GRHL2: variants seen among roughly 807,000 people sequenced by gnomAD.
GRHL2 encodes grainyhead-like protein 2 homolog.
In GRHL2, 21 loss-of-function variants were observed where a neutral mutation model predicts 83.8. The ratio of observed to expected loss-of-function variants is 0.25; its 90% CI spans 0.18 to 0.36. The LOEUF (loss-of-function observed/expected upper bound fraction) is 0.36. Among genes scored for constraint, GRHL2 ranks in the 10% least tolerant of loss-of-function variants. The pLI is 1.00. For synonymous variants in GRHL2, 280 were observed against 278.9 expected, an observed-to-expected ratio of 1.00 and a Z score of -0.04; for missense variants, 623 against 781.8, an observed-to-expected ratio of 0.80 and a Z score of 2.42.
At chr8:101,518,276 G>T (rs569863) in intron 1 of GRHL2, among the ~76,000 whole-genome samples, 35,808 of 152,054 alleles carry the variant, frequency 0.24, 5,707 homozygotes, top group African/African-American at 0.44. Flanking sequence ...CGGGCGTGAT[G>T]GTGCATGCAC....
intron 1 of GRHL2, among the ~76,000 whole-genome samples, chr8:101,499,681 C>T (rs1810182944): frequency 6.6e-6 from 1 of 152,174 alleles, no homozygotes; most frequent in Admixed American, 6.5e-5. Context: ...TAAGAAAAGC[C>T]TTACCCTAAG....
intron 1 of GRHL2, among the ~76,000 whole-genome samples, chr8:101,541,709 C>T (rs961073717): frequency 6.6e-6 from 1 of 152,058 alleles, no homozygotes; most frequent in African/African-American, 2.4e-5. Flanking sequence ...AGAGAAGTGA[C>T]CAAACCTCTG....
intron 14 of GRHL2, among the ~76,000 whole-genome samples, chr8:101,663,965 T>TTTTC (rs1185562605): frequency 6.6e-6 from 1 of 152,136 alleles, no homozygotes; most frequent in African/African-American, 2.4e-5. Context: ...CTTTCGACCT[T>TTTTC]TTTCTTTAGG....
chr8:101,625,767 A>C (rs180815955), intron 9 of GRHL2, among the ~76,000 whole-genome samples: 1 of 152,064 alleles, frequency 6.6e-6, no homozygotes, highest in Non-Finnish European at 1.5e-5. Context: ...GTCAGTAAAT[A>C]TCAGTGCTAA....
rs184398535 is a variant in GRHL2 at position 101,575,961 on chromosome 8, A to G, written c.892-1447A>G. 1.4e-4 allele frequency among the ~76,000 whole-genome samples: 22 copies of G among 152,340 alleles called. No individual in the cohort carries two copies. The Middle Eastern group carries it at 0.01, about 71-fold the overall frequency. On this transcript the variant is annotated intron_variant, in intron 6 of 15. Transcript: ENST00000646743. ...ATACATATTTCTAAACAGTTTTCCT[A>G]ACAAACATCTGCTTTCTTGTGTAAA...
At chr8:101,528,183 T>A (rs1810846027) in intron 1 of GRHL2, among the ~76,000 whole-genome samples, 1 of 152,204 alleles carries the variant, frequency 6.6e-6, no homozygotes, top group African/African-American at 2.4e-5. Context: ...TTGAACTTTA[T>A]ACCTGTAATC....
intron 1 of GRHL2, chr8:101,529,510 C>A: frequency 4.9e-6 from 1 of 204,466 alleles, no homozygotes. Context: ...ACAAGGAAGA[C>A]ATTCTTGCTT....
At chr8:101,552,935 A>G (rs1373489031) in intron 3 of GRHL2, among the ~76,000 whole-genome samples, 153 bp downstream of exon 3, 1 of 152,202 alleles carries the variant, frequency 6.6e-6, no homozygotes, top group African/African-American at 2.4e-5. Flanking sequence ...AGATCTCTCA[A>G]TGAGGAGAGC....
intron 1 of GRHL2, among the ~76,000 whole-genome samples, chr8:101,537,768 C>T (rs1258684516): frequency 6.6e-6 from 1 of 152,166 alleles, no homozygotes; most frequent in Admixed American, 6.5e-5. Flanking sequence ...ACTCCAAAAG[C>T]ATCCTCCCCC....
chr8:101,649,436 G>A lies in GRHL2; in HGVS notation c.1635G>A (p.Glu545=). 1 of 1,614,072 alleles carries A rather than the reference G, an allele frequency of 6.2e-7. No individual in the cohort carries two copies. The highest frequency in any genetic ancestry group is 8.5e-7 in the Non-Finnish European group (1 of 1,179,978). Residue 545 remains glutamate, a synonymous_variant, in exon 14 of 16, where the codon GAG becomes GAA. Transcript: ENST00000646743. ...CAGTGCTCTTGTACGTGAGGAAGGAGACTGACGATGTGTTCGATGCATTGA... is the reference window on the plus strand; with the variant it reads ...CAGTGCTCTTGTACGTGAGGAAGGAAACTGACGATGTGTTCGATGCATTGA... ...TKRVLLYVRK[E]TDDVFDALML...
At chr8:101,492,828 C>A in intron 1 of GRHL2, 39 bp downstream of exon 1, 1 of 1,601,190 alleles carries the variant, frequency 6.2e-7, no homozygotes, top group South Asian at 1.1e-5. Context: ...CTACTACTAC[C>A]ACTTTGGGCT....
At chr8:101,640,907 C>T (rs920005589) in intron 12 of GRHL2, among the ~76,000 whole-genome samples, 1 of 152,236 alleles carries the variant, frequency 6.6e-6, no homozygotes, top group African/African-American at 2.4e-5. Context: ...ATACCATGAT[C>T]TCCCTTGGAA....
chr8:101,619,427 C>A, intron 8 of GRHL2, 112 bp from the exon 9 acceptor site: 1 of 824,384 alleles, frequency 1.2e-6, no homozygotes, highest in Non-Finnish European at 2.1e-6. Flanking sequence ...AAATATTCTT[C>A]AGTTGTCTTT....
intron 4 of GRHL2, among the ~76,000 whole-genome samples, chr8:101,567,265 T>C (rs1447951284): frequency 1.3e-5 from 2 of 152,258 alleles, no homozygotes; most frequent in African/African-American, 4.8e-5. Flanking sequence ...CTATCATTTT[T>C]CTGAGTTCAA....
intron 7 of GRHL2, among the ~76,000 whole-genome samples, chr8:101,591,176 A>T (rs1389873341): frequency 1.3e-5 from 2 of 152,248 alleles, no homozygotes; most frequent in Admixed American, 6.5e-5. Context: ...ATAACAATTC[A>T]AATAGAATTG....
At chr8:101,618,522 G>T (rs180922094) in intron 8 of GRHL2, among the ~76,000 whole-genome samples, 1 of 152,182 alleles carries the variant, frequency 6.6e-6, no homozygotes, top group African/African-American at 2.4e-5. Context: ...ATTTTGTCCT[G>T]CAGGGAGGGA....
At chr8:101,613,262 C>T (rs1812787866) in intron 8 of GRHL2, among the ~76,000 whole-genome samples, 1 of 150,666 alleles carries the variant, frequency 6.6e-6, no homozygotes, top group Non-Finnish European at 1.5e-5. Context: ...TGTATACATA[C>T]ATAACCGCAG....
At position 101,558,453 on chromosome 8, in the gene GRHL2, T is replaced by C. The variant is rs1048525846; in HGVS notation, c.319T>C (p.Leu107=). ...CLGTSEAQSN[L]SGGENRVQVL... ...TGGCACCAGTGAAGCCCAGAGTAAT[T>C]TGAGTGGAGGAGAAAACCGAGTGCA... Residue 107 remains leucine (L), a synonymous_variant, in exon 4 of 16, where the codon TTG becomes CTG. Coordinates refer to ENST00000646743, the MANE Select transcript of GRHL2 (RefSeq NM_024915.4). 6.2e-7 allele frequency: 1 copy of C among 1,613,982 alleles called. No individual in the cohort carries two copies. The highest frequency in any genetic ancestry group is 1.3e-5 in the African/African-American group (1 of 74,896).
At chr8:101,525,818 A>G (rs548161871) in intron 1 of GRHL2, among the ~76,000 whole-genome samples, 5 of 152,176 alleles carry the variant, frequency 3.3e-5, no homozygotes, top group African/African-American at 9.6e-5. Flanking sequence ...AAATTACCAA[A>G]AATTAGCTGG....
Sources: allele counts gnomAD v4.1 joint callset (sites outside exome capture counted in the v4.1 genomes callset), GRCh38; gene constraint gnomAD v4.1.1; transcripts MANE v1.5; gene names NCBI Gene and HGNC (gene_info 2026-07-23, HGNC 2026-07-21).